CSGALNACT1: variants seen among roughly 807,000 people sequenced by gnomAD.
The protein encoded by CSGALNACT1 is chondroitin sulfate N-acetylgalactosaminyltransferase 1, also known as beta4GalNAcT-1.
Under a neutral mutation model 51.0 loss-of-function variants are expected in CSGALNACT1, and 52 were observed. The observed-to-expected ratio is 1.02, with a 90% CI of 0.82 to 1.29. CSGALNACT1 has a LOEUF of 1.29. Among genes scored for constraint, CSGALNACT1 ranks in the 50% most tolerant of loss-of-function variants. The pLI, the probability that CSGALNACT1 is intolerant of heterozygous loss-of-function variation, is 0.00. For synonymous variants in CSGALNACT1, 341 were observed against 254.4 expected (o/e 1.34, Z -3.24); for missense variants, 935 against 679.2 (o/e 1.38, Z -4.19).
At chr8:19,582,650 G>C (rs763202620) in intron 3 of CSGALNACT1, among the ~76,000 whole-genome samples, 1 of 152,152 alleles carries the variant, frequency 6.6e-6, no homozygotes, top group Non-Finnish European at 1.5e-5. Flanking sequence ...AAGACATAGA[G>C]AGGCATGCTC....
chr8:19,648,796 A>G (rs1204030041), intron 1 of CSGALNACT1, among the ~76,000 whole-genome samples: 3 of 152,202 alleles, frequency 2.0e-5, no homozygotes, highest in African/African-American at 7.2e-5. Context: ...ACAGAGTGGG[A>G]CCCTGTCTCA....
chr8:19,482,585 G>C (rs2071720636), intron 4 of CSGALNACT1, among the ~76,000 whole-genome samples: 1 of 152,082 alleles, frequency 6.6e-6, no homozygotes. Flanking sequence ...TGTGTTTTGA[G>C]TTACCAAATC....
chr8:19,618,818 C>T (rs796942758), intron 1 of CSGALNACT1, among the ~76,000 whole-genome samples: 5 of 152,178 alleles, frequency 3.3e-5, no homozygotes, highest in African/African-American at 1.2e-4. Context: ...CTCTAAGTGC[C>T]TTCTAAATTT....
intron 8 of CSGALNACT1, among the ~76,000 whole-genome samples, chr8:19,410,319 C>T (rs11778175): frequency 0.41 from 61,888 of 152,040 alleles, 13,267 homozygotes; most frequent in African/African-American, 0.54. Flanking sequence ...TTTTGTAAGG[C>T]GGCAAAGTCT....
chr8:19,664,492 C>A (rs2059019281), intron 1 of CSGALNACT1, among the ~76,000 whole-genome samples: 1 of 152,124 alleles, frequency 6.6e-6, no homozygotes, highest in Admixed American at 6.5e-5. Context: ...TGGGTATCTA[C>A]CCAAAGGAAA....
intron 1 of CSGALNACT1, among the ~76,000 whole-genome samples, chr8:19,747,412 A>G (rs1170341031): frequency 1.3e-5 from 2 of 152,224 alleles, no homozygotes; most frequent in African/African-American, 4.8e-5. Context: ...TCATTCTTGG[A>G]AGAATGCAAA....
intron 1 of CSGALNACT1, among the ~76,000 whole-genome samples, chr8:19,700,719 A>G (rs1379998446): frequency 1.3e-5 from 2 of 152,362 alleles, no homozygotes; most frequent in Middle Eastern, 3.4e-3. Context: ...AACATATGCT[A>G]AAAATGAAAC....
intron 5 of CSGALNACT1, among the ~76,000 whole-genome samples, chr8:19,442,118 G>C (rs1389953189): frequency 6.6e-6 from 1 of 152,204 alleles, no homozygotes; most frequent in East Asian, 1.9e-4. Flanking sequence ...TACACTGTTG[G>C]TGGGAATGTA....
chr8:19,453,528 C>T (rs543139185), intron 5 of CSGALNACT1, among the ~76,000 whole-genome samples: 3 of 152,180 alleles, frequency 2.0e-5, no homozygotes, highest in Non-Finnish European at 2.9e-5. Flanking sequence ...ATGAAGCAAA[C>T]AGAACTCAAA....
At chr8:19,728,574 TC>T (rs1278563476) in intron 1 of CSGALNACT1, among the ~76,000 whole-genome samples, 1 of 152,100 alleles carries the variant, frequency 6.6e-6, no homozygotes, top group Non-Finnish European at 1.5e-5. Context: ...CTTGTTCTAA[TC>T]TGAGTACACA....
intron 1 of CSGALNACT1, among the ~76,000 whole-genome samples, chr8:19,633,231 A>G (rs918225387): frequency 2.0e-5 from 3 of 152,080 alleles, no homozygotes; most frequent in Non-Finnish European, 2.9e-5. Flanking sequence ...TTTATCATTG[A>G]GTCTCGAGGC....
chr8:19,480,816 G>C (rs1193190533), intron 4 of CSGALNACT1, among the ~76,000 whole-genome samples: 1 of 152,082 alleles, frequency 6.6e-6, no homozygotes, highest in Non-Finnish European at 1.5e-5. Flanking sequence ...TTTAAGATTA[G>C]AAGCCACACC....
intron 4 of CSGALNACT1, among the ~76,000 whole-genome samples, chr8:19,467,226 T>G (rs1262318147): frequency 1.9e-4 from 28 of 150,368 alleles, no homozygotes; most frequent in Admixed American, 1.9e-3. Context: ...TTCACAGTAT[T>G]CTCCTGCCTC....
At chr8:19,574,750 G>A (rs536495342) in intron 3 of CSGALNACT1, among the ~76,000 whole-genome samples, 4 of 151,990 alleles carry the variant, frequency 2.6e-5, no homozygotes, top group East Asian at 1.9e-4. Flanking sequence ...TCCTCTCTCC[G>A]GCCAGATGTG....
chr8:19,588,171 G>A (rs1263413574), intron 3 of CSGALNACT1: 6 of 151,726 alleles, frequency 4.0e-5, no homozygotes, highest in Non-Finnish European at 8.8e-5. Flanking sequence ...CTCTAGCCTA[G>A]GTGACAAGAA....
In CSGALNACT1 at chr8:19,705,724, G is replaced by A. The variant is rs185064123; in HGVS notation, c.-297+52126C>T. Reference sequence around the variant, plus strand: ...TTCACTCCAGCCTAGGCAACAGAGCGAGACCCAGTCTCAAAAAAAAATCCA... The same window carrying A: ...TTCACTCCAGCCTAGGCAACAGAGCAAGACCCAGTCTCAAAAAAAAATCCA... On this transcript the variant is annotated intron_variant, in intron 1 of 1. Transcript: ENST00000517494. Among the ~76,000 whole-genome samples, 34 of 152,106 alleles carry A rather than the reference G, an allele frequency of 2.2e-4. No individual in the cohort carries two copies. In the East Asian group the frequency reaches 6.0e-3, roughly 27 times the overall value.
intron 3 of CSGALNACT1, among the ~76,000 whole-genome samples, chr8:19,561,445 G>A (rs555231226): frequency 5.9e-5 from 9 of 152,228 alleles, no homozygotes; most frequent in Admixed American, 4.6e-4. Flanking sequence ...TAATGGTGGA[G>A]GTTGTTTCCT....
chr8:19,682,216 G>T lies in CSGALNACT1; in HGVS notation c.-544+257C>A, dbSNP rs185063167. On this transcript the variant is annotated intron_variant, in intron 1 of 9. Coordinates refer to the CSGALNACT1 transcript ENST00000332246. Reference sequence around the variant, plus strand: ...AAACAGCTACTTAGACACATGGAATGTGAGCCTCTGTTTGTACTCCTGCCT... The same window carrying T: ...AAACAGCTACTTAGACACATGGAATTTGAGCCTCTGTTTGTACTCCTGCCT... Among the ~76,000 whole-genome samples, 4 of 152,264 alleles carry T rather than the reference G, an allele frequency of 2.6e-5. No homozygotes were observed. In the East Asian group the frequency reaches 5.8e-4, roughly 22 times the overall value.
At chr8:19,559,197 CA>C (rs1417982867) in intron 3 of CSGALNACT1, among the ~76,000 whole-genome samples, 1 of 152,104 alleles carries the variant, frequency 6.6e-6, no homozygotes, top group South Asian at 2.1e-4. Context: ...ACAATTTTAG[CA>C]AACCAAATCC....
Sources: gnomAD v4.1 joint callset for allele counts (sites outside exome capture counted in the v4.1 genomes callset) on GRCh38, gnomAD v4.1.1 for gene constraint, MANE v1.5 for transcripts, NCBI Gene and HGNC (gene_info 2026-07-23, HGNC 2026-07-21) for gene names.